Variants in LRGUK observed in about 807,000 individuals in gnomAD.
LRGUK encodes leucine rich repeats and guanylate kinase domain containing.
Under a neutral mutation model 76.0 loss-of-function variants are expected in LRGUK, and 65 were observed. That is an observed-to-expected ratio of 0.85 (90% CI 0.70 to 1.05). The LOEUF is 1.05. Among genes scored for constraint, LRGUK ranks in the 50% least tolerant of loss-of-function variants. The pLI is 0.00. For synonymous variants in LRGUK, 268 were observed against 265.6 expected, an observed-to-expected ratio of 1.01 and a Z score of -0.09; for missense variants, 758 against 732.8, an observed-to-expected ratio of 1.03 and a Z score of -0.40.
intron 14 of LRGUK, among the ~76,000 whole-genome samples, chr7:134,199,980 TTTTATATA>T (rs1358839469): frequency 2.3e-4 from 16 of 69,558 alleles, no homozygotes; most frequent in Non-Finnish European, 1.7e-4. Context: ...TTCTAGAAAC[TTTTATATA>T]TATATATATA....
intron 16 of LRGUK, among the ~76,000 whole-genome samples, chr7:134,245,551 T>A (rs1217424812): frequency 6.6e-6 from 1 of 152,220 alleles, no homozygotes; most frequent in Non-Finnish European, 1.5e-5. Flanking sequence ...GGTTTCGTTG[T>A]AAGTTTTTTG....
At chr7:134,231,102 A>C (rs1449684976) in intron 16 of LRGUK, among the ~76,000 whole-genome samples, 2 of 152,208 alleles carry the variant, frequency 1.3e-5, no homozygotes, top group African/African-American at 2.4e-5. Flanking sequence ...GTGAGGATCC[A>C]AGGGTGATGC....
chr7:134,146,975 C>A (rs1345491698), intron 4 of LRGUK, among the ~76,000 whole-genome samples: 1 of 152,054 alleles, frequency 6.6e-6, no homozygotes, highest in African/African-American at 2.4e-5. Context: ...CTTTTGTCAG[C>A]AGGTGAATAA....
intron 3 of LRGUK, among the ~76,000 whole-genome samples, chr7:134,140,987 C>T (rs950646465): frequency 6.6e-6 from 1 of 152,152 alleles, no homozygotes; most frequent in African/African-American, 2.4e-5. Context: ...CTGGCAGGAG[C>T]ACTTGGCCTA....
At chr7:134,169,453 A>T (rs1799154658) in intron 7 of LRGUK, among the ~76,000 whole-genome samples, 2 of 152,176 alleles carry the variant, frequency 1.3e-5, no homozygotes, top group African/African-American at 4.8e-5. Context: ...GAAAACTTAT[A>T]TATCAAGTGA....
chr7:134,182,996 G>A (rs1799819359), intron 10 of LRGUK, among the ~76,000 whole-genome samples: 2 of 152,176 alleles, frequency 1.3e-5, no homozygotes, highest in Admixed American at 1.3e-4. Flanking sequence ...CTCACCTCAG[G>A]TGATCTGCCT....
chr7:134,191,696 A>T, exon 12 of LRGUK: 1 of 1,613,192 alleles, frequency 6.2e-7, no homozygotes, highest in Non-Finnish European at 8.5e-7. Context: ...GGAGAAGGGG[A>T]TCGAGTTGAT....
chr7:134,221,810 G>T (rs112356429), exon 16 of LRGUK: 16 of 1,569,908 alleles, frequency 1.0e-5, no homozygotes, highest in African/African-American at 2.8e-5. Context: ...AACCTGAAGC[G>T]CATCCTACAA....
chr7:134,211,243 T>C (rs1324268821), downstream of LRGUK, among the ~76,000 whole-genome samples: 1 of 152,226 alleles, frequency 6.6e-6, no homozygotes, highest in Non-Finnish European at 1.5e-5. Context: ...TGCCACCAAA[T>C]TGAGCCATTC....
intron 19 of LRGUK, 70 bp downstream of exon 19, chr7:134,258,475 A>T: frequency 7.0e-7 from 1 of 1,436,654 alleles, no homozygotes; most frequent in South Asian, 1.2e-5. Context: ...AGGCGAATGG[A>T]TCTCCTGACG....
At chr7:134,217,576 T>G (rs1042276638) in intron 15 of LRGUK, among the ~76,000 whole-genome samples, 1 of 152,204 alleles carries the variant, frequency 6.6e-6, no homozygotes, top group Non-Finnish European at 1.5e-5. Context: ...GCAAAATTAT[T>G]ATTTTTCTAG....
At chr7:134,138,585 G>GT (rs375259907) in intron 2 of LRGUK, among the ~76,000 whole-genome samples, 1 of 152,198 alleles carries the variant, frequency 6.6e-6, no homozygotes, top group Non-Finnish European at 1.5e-5. Context: ...TAAATATTCA[G>GT]TAAGTGTTTA....
intron 16 of LRGUK, among the ~76,000 whole-genome samples, chr7:134,241,849 A>G: frequency 6.6e-6 from 1 of 152,224 alleles, no homozygotes; most frequent in East Asian, 1.9e-4. Context: ...AATTATAACA[A>G]ACTGTCTCTC....
At chr7:134,146,021 C>G (rs1403019952) in intron 4 of LRGUK, among the ~76,000 whole-genome samples, 1 of 152,146 alleles carries the variant, frequency 6.6e-6, no homozygotes, top group Non-Finnish European at 1.5e-5. Context: ...GCCTGTAATC[C>G]CAGCACTTTG....
At chr7:134,221,501 T>C (rs2117153744) in intron 15 of LRGUK, among the ~76,000 whole-genome samples, 1 of 152,314 alleles carries the variant, frequency 6.6e-6, no homozygotes, top group East Asian at 1.9e-4. Context: ...GCCACTGTTT[T>C]TGACATGTCT....
exon 1 of LRGUK, chr7:134,127,546 A>C: frequency 6.2e-7 from 1 of 1,614,094 alleles, no homozygotes. Flanking sequence ...GCCTCCTCCT[A>C]CCTGCTCCAG....
chr7:134,249,920 G>A lies in LRGUK; in HGVS notation c.2198+844G>A, dbSNP rs75599335. On this transcript the variant is annotated intron_variant, in intron 18 of 19. Transcript: ENST00000285928. ...GGTCAATTGCCATCTACTACGGGGT[G>A]CCTCTCTTGGGTAGAGATCTCTAAC... is the stretch of plus-strand genomic sequence containing the variant. Among the ~76,000 whole-genome samples the A allele has an allele frequency of 4.2e-4, 64 of 152,274 alleles. No homozygotes were observed. In the East Asian group the frequency reaches 0.012, roughly 28 times the overall value.
chr7:134,140,246 A>G (rs1047548956), intron 3 of LRGUK, among the ~76,000 whole-genome samples: 1 of 152,196 alleles, frequency 6.6e-6, no homozygotes, highest in Non-Finnish European at 1.5e-5. Flanking sequence ...CTGGGATTAC[A>G]GGTGTGAGCC....
intron 5 of LRGUK, 101 bp downstream of exon 5, chr7:134,148,420 T>C: frequency 1.5e-6 from 1 of 674,636 alleles, no homozygotes; most frequent in Non-Finnish European, 2.5e-6. Context: ...TAGTACCAGA[T>C]AAGCAATTTA....
Sources: gnomAD v4.1 joint callset for allele counts (sites outside exome capture counted in the v4.1 genomes callset) on GRCh38, gnomAD v4.1.1 for gene constraint, MANE v1.5 for transcripts, NCBI Gene and HGNC (gene_info 2026-07-23, HGNC 2026-07-21) for gene names.